Variants in ITGBL1 observed in about 807,000 individuals in gnomAD.
ITGBL1 encodes integrin subunit beta like 1.
ITGBL1 carries 51 observed loss-of-function variants against 68.5 expected under a neutral mutation model. The observed-to-expected ratio is 0.74, with a 90% confidence interval of 0.59 to 0.94. The LOEUF (loss-of-function observed/expected upper bound fraction) is 0.94. Among genes scored for constraint, ITGBL1 ranks in the 40% least tolerant of loss-of-function variants. ITGBL1 has a pLI of 0.00. For synonymous variants in ITGBL1, 209 were observed against 227.3 expected (o/e 0.92, Z 0.72); for missense variants, 649 against 647.4 (o/e 1.00, Z -0.03).
intron 7 of ITGBL1, among the ~76,000 whole-genome samples, chr13:101,633,153 G>A (rs942883522): frequency 2.0e-5 from 3 of 152,184 alleles, no homozygotes; most frequent in Non-Finnish European, 2.9e-5. Flanking sequence ...ATATCAGAGC[G>A]TGGTGAAGCC....
intron 7 of ITGBL1, among the ~76,000 whole-genome samples, chr13:101,630,332 A>G (rs1409175782): frequency 6.6e-6 from 1 of 152,130 alleles, no homozygotes; most frequent in African/African-American, 2.4e-5. Context: ...TTTGAATGAC[A>G]ATATTTTCTT....
At chr13:101,642,876 A>T (rs2139434049) in intron 7 of ITGBL1, among the ~76,000 whole-genome samples, 1 of 151,392 alleles carries the variant, frequency 6.6e-6, no homozygotes, top group African/African-American at 2.4e-5. Flanking sequence ...ATAGTTGTAG[A>T]TATGCAGCGT....
chr13:101,673,785 A>G (rs1456431463), intron 7 of ITGBL1, among the ~76,000 whole-genome samples: 2 of 152,174 alleles, frequency 1.3e-5, no homozygotes, highest in African/African-American at 2.4e-5. Flanking sequence ...ACCCTTGTCT[A>G]TGAAACTGAT....
intron 2 of ITGBL1, among the ~76,000 whole-genome samples, chr13:101,473,561 C>G (rs1375178117): frequency 6.6e-6 from 1 of 152,198 alleles, no homozygotes; most frequent in Non-Finnish European, 1.5e-5. Context: ...TTTAAATAAA[C>G]TTGAAAGACA....
At chr13:101,715,419 T>C in intron 10 of ITGBL1, 144 bp from the exon 11 acceptor site, 1 of 677,788 alleles carries the variant, frequency 1.5e-6, no homozygotes, top group South Asian at 1.8e-5. Flanking sequence ...TAATAAGATG[T>C]AATAATAACA....
At chr13:101,715,414 A>G in intron 10 of ITGBL1, 149 bp from the exon 11 acceptor site, 1 of 660,976 alleles carries the variant, frequency 1.5e-6, no homozygotes, top group Non-Finnish European at 2.7e-6. Context: ...CTGCTTAATA[A>G]GATGTAATAA....
At chr13:101,558,764 T>C (rs2050052806) in intron 2 of ITGBL1, among the ~76,000 whole-genome samples, 1 of 152,208 alleles carries the variant, frequency 6.6e-6, no homozygotes, top group Non-Finnish European at 1.5e-5. Context: ...ATTTTTAATT[T>C]ACCAGACAAA....
intron 7 of ITGBL1, among the ~76,000 whole-genome samples, chr13:101,646,336 T>C (rs1479275639): frequency 6.6e-6 from 1 of 151,958 alleles, no homozygotes; most frequent in Non-Finnish European, 1.5e-5. Flanking sequence ...TCATTCTTAA[T>C]GTGAAAAAGC....
At position 101,598,584 on chromosome 13, in the gene ITGBL1, G is replaced by T. The variant is rs151335336; in HGVS notation, c.1015+285G>T. Among the ~76,000 whole-genome samples the T allele has an allele frequency of 3.0e-4, 46 of 151,772 alleles. 1 individual carries two copies. The stretch of plus-strand genomic sequence containing the variant: ...ATATCTCCTAATGCTATCCCTCCCC[G>T]CTGCCCCCACCACACAACAGTCCCC... On this transcript the variant is annotated intron_variant, in intron 7 of 10. Transcript: ENST00000376180.
chr13:101,525,160 T>C (rs190405884), intron 2 of ITGBL1, among the ~76,000 whole-genome samples: 1 of 152,170 alleles, frequency 6.6e-6, no homozygotes, highest in Non-Finnish European at 1.5e-5. Context: ...TGAACTGATA[T>C]ATGTTCATAT....
At chr13:101,487,715 A>G (rs545058714) in intron 2 of ITGBL1, among the ~76,000 whole-genome samples, 1 of 152,198 alleles carries the variant, frequency 6.6e-6, no homozygotes, top group Non-Finnish European at 1.5e-5. Context: ...TCCTGCTCAG[A>G]TATACTGGCA....
intron 7 of ITGBL1, among the ~76,000 whole-genome samples, chr13:101,644,974 A>G (rs1323605450): frequency 6.6e-6 from 1 of 152,222 alleles, no homozygotes; most frequent in African/African-American, 2.4e-5. Flanking sequence ...AATGGAAAAT[A>G]GAGACCAGAT....
chr13:101,505,486 C>T lies in ITGBL1; in HGVS notation c.316+51386C>T, dbSNP rs77208594. 3.6e-3 allele frequency among the ~76,000 whole-genome samples: 553 copies of T among 152,210 alleles called. 23 individuals are homozygous for T. The East Asian group carries it at 0.085, about 23-fold the overall frequency. ...ACCCTAAACAGGTTGTGGCTAACTCCGCCTGGAGGATTTAGGGGAGTAATA... is the reference window on the plus strand; with the variant it reads ...ACCCTAAACAGGTTGTGGCTAACTCTGCCTGGAGGATTTAGGGGAGTAATA... On this transcript the variant is annotated intron_variant, in intron 2 of 10. Transcript: ENST00000376180.
At chr13:101,718,077 G>A (rs1038839745), downstream of ITGBL1, 2 of 152,204 alleles carry the variant, frequency 1.3e-5, 1 homozygote, top group Middle Eastern at 6.8e-3. Context: ...TGAAAATATA[G>A]TCAGCTCTGT....
intron 2 of ITGBL1, among the ~76,000 whole-genome samples, chr13:101,540,288 A>G (rs1328161975): frequency 2.0e-5 from 3 of 152,210 alleles, no homozygotes; most frequent in Non-Finnish European, 4.4e-5. Context: ...CAGTTTTCCC[A>G]GCACCATTTA....
chr13:101,662,012 A>G (rs1449936119), intron 7 of ITGBL1, among the ~76,000 whole-genome samples: 2 of 152,192 alleles, frequency 1.3e-5, no homozygotes, highest in Non-Finnish European at 2.9e-5. Flanking sequence ...GGTTCCTCCA[A>G]CATCGCTTTT....
chr13:101,646,787 GA>G (rs1301097845), intron 7 of ITGBL1, among the ~76,000 whole-genome samples: 6 of 151,904 alleles, frequency 3.9e-5, no homozygotes, highest in African/African-American at 1.2e-4. Flanking sequence ...AAACAAAAAG[GA>G]AAAAACTTTT....
At chr13:101,499,351 C>T (rs939598374) in intron 2 of ITGBL1, among the ~76,000 whole-genome samples, 2 of 152,166 alleles carry the variant, frequency 1.3e-5, no homozygotes, top group Admixed American at 6.5e-5. Context: ...CAACCCCTCC[C>T]TCATGTCTTT....
At chr13:101,679,721 A>G (rs3783221) in intron 7 of ITGBL1, among the ~76,000 whole-genome samples, 42,730 of 152,042 alleles carry the variant, frequency 0.28, 6,797 homozygotes, top group East Asian at 0.52. Flanking sequence ...GTGTTGTTGT[A>G]GAAGCCATCT....
Sources: allele counts gnomAD v4.1 joint callset (sites outside exome capture counted in the v4.1 genomes callset), GRCh38; gene constraint gnomAD v4.1.1; transcripts MANE v1.5; gene names NCBI Gene and HGNC (gene_info 2026-07-23, HGNC 2026-07-21).